HMCN2: variants seen among roughly 807,000 people sequenced by gnomAD.
The protein encoded by HMCN2 is hemicentin 2.
In HMCN2, 325 loss-of-function variants were observed where a neutral mutation model predicts 377.5. That is an observed-to-expected ratio of 0.86 (90% confidence interval 0.79 to 0.94). The LOEUF (loss-of-function observed/expected upper bound fraction) is 0.94, where lower values mean the gene tolerates loss of function less well. Among genes scored for constraint, HMCN2 ranks in the 40% least tolerant of loss-of-function variants. The pLI is 0.00. For synonymous variants in HMCN2, 2,007 were observed against 2,046.8 expected, an observed-to-expected ratio of 0.98 and a Z score of 0.53; for missense variants, 4,543 against 4,725.3, an observed-to-expected ratio of 0.96 and a Z score of 1.13.
In HMCN2 at chr9:130,359,320, GC is replaced by G. The variant is rs772583138; in HGVS notation, c.5685del (p.Asn1896ThrfsTer17). 1.5e-6 allele frequency: 2 copies of G among 1,301,544 alleles called. No individual in the cohort carries two copies. Among genetic ancestry groups the G allele is most frequent in the Non-Finnish European group, 2.0e-6 (2 of 986,754 alleles). The allele number at this position is 1,301,544 out of a possible 1,614,324, so 80.6% of individuals were successfully genotyped here. On this transcript the variant is annotated frameshift_variant and splice_region_variant, in exon 37 of 98. Transcript: ENST00000683500. LOFTEE classifies it high-confidence loss of function. ...KREVALKVLV[P>X]PNIEPGPVNK... ...GGGTCTCTCCTTGTCTCCCCCTAGT[GC>G]CCCCCAACATCGAGCCAGGCCCAGT...
rs1554935747 is a variant in HMCN2, at chr9:130,304,324, A to G, written c.1544-406A>G. Among the ~76,000 whole-genome samples, 4 of 152,314 alleles carry G rather than the reference A, an allele frequency of 2.6e-5. No homozygotes were observed. The highest frequency in any genetic ancestry group is 3.4e-3 in the Middle Eastern group (1 of 294). On this transcript the variant is annotated intron_variant, in intron 10 of 97. Transcript: ENST00000683500. The surrounding 1 kb of genome is among the most constrained non-coding windows in gnomAD (Gnocchi z 4.3). ...TTGGGGGCATATTTGGCTGCTATAAATAGCCCTGCTGTTGGTACAGAGAAT... is the reference window on the plus strand; with the variant it reads ...TTGGGGGCATATTTGGCTGCTATAAGTAGCCCTGCTGTTGGTACAGAGAAT...
chr9:130,352,267 G>C (rs970817913), intron 30 of HMCN2, among the ~76,000 whole-genome samples: 2 of 152,162 alleles, frequency 1.3e-5, no homozygotes, highest in Non-Finnish European at 1.5e-5. Flanking sequence ...GTTTCGCTTG[G>C]CTAAGGAAGC....
rs1405118236 is a variant in HMCN2, at chr9:130,265,974, C to T, written c.96C>T (p.Pro32=). The change falls in exon 1 of 98, where the codon CCC becomes CCT. Residue 32 remains proline, a synonymous_variant. Coordinates refer to ENST00000683500, the MANE Select transcript of HMCN2 (RefSeq NM_001291815.2). ...GGGCGCCCGGGACGGTAATGCCCCC[C>T]ACCACGGGGGACGCCACCCTGGCCT... is the stretch of plus-strand genomic sequence containing the variant. The part of the protein sequence containing the change: ...VAGAPGTVMP[P]TTGDATLAFV... The T allele has an allele frequency of 2.1e-6, 1 of 467,724 alleles. No individual in the cohort carries two copies. The highest frequency in any genetic ancestry group is 2.0e-5 in the African/African-American group (1 of 49,764). The allele number at this position is 467,724 out of a possible 1,614,324, so 29.0% of individuals were successfully genotyped here.
At chr9:130,340,542 C>T (rs1198385902) in intron 23 of HMCN2, among the ~76,000 whole-genome samples, 14 of 143,090 alleles carry the variant, frequency 9.8e-5, no homozygotes, top group African/African-American at 2.6e-4. Context: ...TTTTCTTAGA[C>T]GGAGCCTCCC....
At position 130,422,222 on chromosome 9, in the gene HMCN2, A is replaced by T. The variant is rs990229333; in HGVS notation, c.13232-355A>T. 2.0e-5 allele frequency among the ~76,000 whole-genome samples: 3 copies of T among 152,192 alleles called. No individual in the cohort carries two copies. Among genetic ancestry groups the T allele is most frequent in the African/African-American group, 7.2e-5 (3 of 41,446 alleles). On this transcript the variant is annotated intron_variant, in intron 86 of 97. Transcript: ENST00000683500. The surrounding 1 kb of genome is among the most constrained non-coding windows in gnomAD (Gnocchi z 4.2). The stretch of plus-strand genomic sequence containing the variant: ...CCATCGTGGGCTCCCGGCATTTCAG[A>T]GACCCACAGGTCTTCTGTGAGTTTG...
Position 130,433,368 on chromosome 9 carries a change from C to A in HMCN2, c.14915C>A (p.Ser4972Ter), listed in dbSNP as rs1331063907. ...PSPGTCFRRC[S>*]QDCGTGGPST... The stretch of plus-strand genomic sequence containing the variant: ...CGCAGGACGTGCTTCCGGCGCTGCT[C>A]GCAGGACTGCGGCACGGGCGGCCCC... The change falls in exon 98 of 98, where the codon TCG becomes TAG. Residue 4972 changes from serine (S) to a stop codon, truncating the protein, a stop_gained. Coordinates refer to ENST00000683500, the MANE Select transcript of HMCN2 (RefSeq NM_001291815.2). LOFTEE classifies it high-confidence loss of function. The A allele has an allele frequency of 3.4e-6, 5 of 1,472,170 alleles. No homozygotes were observed. In the Admixed American group the frequency reaches 9.6e-5, roughly 28 times the overall value. The allele number at this position is 1,472,170 out of a possible 1,614,324, so 91.2% of individuals were successfully genotyped here.
intron 23 of HMCN2, among the ~76,000 whole-genome samples, chr9:130,339,856 G>A (rs894266753): frequency 4.3e-4 from 65 of 152,308 alleles, no homozygotes; most frequent in Non-Finnish European, 8.1e-4. Context: ...TGCGTAGGGG[G>A]TGGGTGCACC....
chr9:130,403,449 CCTGG>C, intron 79 of HMCN2, 121 bp downstream of exon 79: 2 of 1,104,910 alleles, frequency 1.8e-6, no homozygotes, highest in Non-Finnish European at 2.3e-6. Flanking sequence ...CTGGAAAGCC[CCTGG>C]CCTGCCCAGA....
rs563838062 is a variant in HMCN2 at position 130,377,772 on chromosome 9, G to A, written c.8185G>A (p.Asp2729Asn). Residue 2729 changes from aspartate (D) to asparagine (N), a missense_variant, in exon 53 of 98, where the codon GAC becomes AAC. Transcript: ENST00000683500. ...CVATNVAGED[D>N]QDFNVLIQVP... Reference sequence around the variant, plus strand: ...GGCCACCAATGTGGCTGGCGAGGACGACCAGGACTTCAACGTGCTCATCCA... The same window carrying A: ...GGCCACCAATGTGGCTGGCGAGGACAACCAGGACTTCAACGTGCTCATCCA... 70 of 985,940 alleles carry A rather than the reference G, an allele frequency of 7.1e-5. No homozygotes were observed. The African/African-American group carries it at 1.1e-3, about 15-fold the overall frequency. The allele number at this position is 985,940 out of a possible 1,614,324, so 61.1% of individuals were successfully genotyped here.
intron 14 of HMCN2, among the ~76,000 whole-genome samples, chr9:130,309,514 CAAAAAAAAAA>C (rs143190808): frequency 5.4e-4 from 39 of 72,356 alleles, no homozygotes; most frequent in African/African-American, 1.9e-3. Flanking sequence ...GACTCTGTCT[CAAAAAAAAAA>C]AAAAAAAAAA....
chr9:130,314,969 C>T (rs955155892), intron 15 of HMCN2, among the ~76,000 whole-genome samples: 5 of 151,930 alleles, frequency 3.3e-5, no homozygotes, highest in Admixed American at 6.5e-5. Flanking sequence ...GAGCAGCAGG[C>T]GCAGGGGAGT....
intron 92 of HMCN2, 128 bp downstream of exon 92, chr9:130,427,747 T>C (rs1188940914): frequency 8.4e-7 from 1 of 1,189,398 alleles, no homozygotes; most frequent in Non-Finnish European, 1.1e-6. Context: ...TTCTTGAGGG[T>C]TTTGATGTCA....
chr9:130,365,427 G>A (rs575084282), intron 41 of HMCN2, among the ~76,000 whole-genome samples: 167 of 152,372 alleles, frequency 1.1e-3, no homozygotes, highest in Admixed American at 2.1e-3. Context: ...CATCGAGGGG[G>A]CCCTTCTCAG....
intron 1 of HMCN2, among the ~76,000 whole-genome samples, chr9:130,283,430 A>G (rs1258785879): frequency 1.4e-4 from 1 of 7,112 alleles, no homozygotes; most frequent in African/African-American, 6.3e-4. Flanking sequence ...CCCACCCCCC[A>G]CTCAGTGACG....
At chr9:130,401,006 A>T in intron 77 of HMCN2, 59 bp downstream of exon 77, 2 of 1,224,076 alleles carry the variant, frequency 1.6e-6, no homozygotes, top group South Asian at 2.8e-5. Context: ...GAGCAGGCAG[A>T]GGGGGTGAAA....
chr9:130,354,820 G>A lies in HMCN2; in HGVS notation c.4922G>A (p.Gly1641Glu), dbSNP rs1451223929. The A allele has an allele frequency of 7.7e-7, 1 of 1,304,194 alleles. No individual in the cohort carries two copies. Among genetic ancestry groups the A allele is most frequent in the East Asian group, 5.5e-5 (1 of 18,026 alleles). The allele number at this position is 1,304,194 out of a possible 1,614,324, so 80.8% of individuals were successfully genotyped here. Residue 1641 changes from glycine (G) to glutamate (E), a missense_variant, in exon 32 of 98, where the codon GGG (glycine) becomes GAG (glutamate). Physicochemically the swap from Gly to Glu is moderately conservative, Grantham distance 98. Transcript: ENST00000683500. ...CCATACGTGGTGAAGGCTGTGGCTG[G>A]GAGGCCTGTGGCGCTGGAGTGCGTG... ...GRPYVVKAVA[G>E]RPVALECVAR...
chr9:130,273,250 G>T, intron 1 of HMCN2, among the ~76,000 whole-genome samples: 1 of 150,894 alleles, frequency 6.6e-6, no homozygotes, highest in South Asian at 2.1e-4. Flanking sequence ...CTAGTATGTT[G>T]GAAAGGAATT....
Position 130,400,770 on chromosome 9 carries a change from T to G in HMCN2, c.11606-13T>G. On this transcript the variant is annotated splice_polypyrimidine_tract_variant and intron_variant, in intron 76 of 97. Transcript: ENST00000683500. ...CCCGCCGGCAGGGCCTCAAGCCTTG[T>G]CTTGGGTTTTAGTGCCTCCCACCAT... The G allele has an allele frequency of 7.8e-7, 1 of 1,280,464 alleles. No individual in the cohort carries two copies. Among genetic ancestry groups the G allele is most frequent in the Non-Finnish European group, 1.0e-6 (1 of 984,202 alleles). 79.3% of individuals were successfully genotyped at this position (1,280,464 alleles called of 1,614,324 possible). A position where few individuals can be genotyped will look rare whatever the true frequency, so the allele number is the denominator to read the frequency against.
chr9:130,425,156 C>A, intron 89 of HMCN2, 26 bp downstream of exon 89: 1 of 1,528,024 alleles, frequency 6.5e-7, no homozygotes, highest in South Asian at 1.2e-5. Flanking sequence ...CTGGGGTGTG[C>A]AGACAGGGTA....
Sources: allele counts gnomAD v4.1 joint callset (sites outside exome capture counted in the v4.1 genomes callset), GRCh38; gene constraint gnomAD v4.1.1; non-coding constraint Gnocchi (gnomAD v3.1); transcripts MANE v1.5; gene names NCBI Gene and HGNC (gene_info 2026-07-23, HGNC 2026-07-21).